Variants in VPS13B observed in about 807,000 individuals in gnomAD.
The protein encoded by VPS13B is vacuolar protein sorting 13 homolog B, also known as intermembrane lipid transfer protein VPS13B.
VPS13B carries 285 observed loss-of-function variants against 426.4 expected under a neutral mutation model. The ratio of observed to expected loss-of-function variants is 0.67; its 90% CI spans 0.61 to 0.74. The LOEUF (loss-of-function observed/expected upper bound fraction) is 0.74. Ranked by LOEUF, VPS13B falls within the 30% of genes least tolerant of loss-of-function variation. VPS13B has a pLI of 0.00. For missense variants in VPS13B, 4,537 were observed against 4,782.6 expected, an observed-to-expected ratio of 0.95 and a Z score of 1.51; for synonymous variants, 1,676 against 1,676.4, an observed-to-expected ratio of 1.00 and a Z score of 0.01.
At position 99,577,503 on chromosome 8, in the gene VPS13B, G is replaced by A. The variant is rs764162546; in HGVS notation, c.5090G>A (p.Cys1697Tyr). 1.9e-6 allele frequency: 3 copies of A among 1,613,780 alleles called. No homozygotes were observed. The South Asian group carries it at 3.3e-5, about 18-fold the overall frequency. Residue 1697 changes from cysteine to tyrosine, a missense_variant, in exon 33 of 62, where the codon TGT (cysteine) becomes TAT (tyrosine). This residue lies in a region of VPS13B where 4,311 missense variants were observed against 4,474.3 expected (regional missense o/e 0.96). Transcript: ENST00000357162. ...TTTTTGCTTCAGGAGATTTTAGTGTGTGGCCATTCCTTAGAAGTGAATATA... is the reference window on the plus strand; with the variant it reads ...TTTTTGCTTCAGGAGATTTTAGTGTATGGCCATTCCTTAGAAGTGAATATA... ...ENLHTEEILV[C>Y]GHSLEVNITT...
At chr8:99,789,960 C>T (rs1029706188) in intron 43 of VPS13B, among the ~76,000 whole-genome samples, 5 of 151,924 alleles carry the variant, frequency 3.3e-5, no homozygotes, top group Non-Finnish European at 7.4e-5. Flanking sequence ...TTTTCAACTT[C>T]TTATTAAGGA....
intron 2 of VPS13B, among the ~76,000 whole-genome samples, chr8:99,029,388 A>AGG (rs1287028257): frequency 6.6e-6 from 1 of 152,000 alleles, no homozygotes; most frequent in Non-Finnish European, 1.5e-5. Flanking sequence ...GGCCGGGCAG[A>AGG]GGCTGCAATC....
At chr8:99,274,948 A>T in intron 18 of VPS13B, 133 bp from the exon 19 acceptor site, 1 of 786,376 alleles carries the variant, frequency 1.3e-6, no homozygotes. Context: ...GACTCAGTAT[A>T]ATTAAATGTA....
At chr8:99,198,160 C>A (rs1814057606) in intron 17 of VPS13B, among the ~76,000 whole-genome samples, 1 of 152,170 alleles carries the variant, frequency 6.6e-6, no homozygotes, top group African/African-American at 2.4e-5. Flanking sequence ...ATTTACTATT[C>A]AAAATCTTAC....
At chr8:99,363,497 T>C (rs554403668) in intron 19 of VPS13B, among the ~76,000 whole-genome samples, 10 of 152,340 alleles carry the variant, frequency 6.6e-5, no homozygotes, top group African/African-American at 2.4e-4. Context: ...TTTTTGGTTT[T>C]TCTGTGAAGA....
At chr8:99,144,531 A>T (rs907736042) in intron 13 of VPS13B, among the ~76,000 whole-genome samples, 2 of 150,816 alleles carry the variant, frequency 1.3e-5, no homozygotes, top group African/African-American at 4.9e-5. Flanking sequence ...TGAAATTTCT[A>T]TTACTTTACT....
intron 51 of VPS13B, 31 bp from the exon 52 acceptor site, chr8:99,832,338 T>A (rs1429506864): frequency 1.4e-6 from 2 of 1,450,364 alleles, no homozygotes; most frequent in Admixed American, 2.4e-5. Context: ...ATGTGCTCTC[T>A]GCATTTTTTT....
At chr8:99,324,239 C>G (rs560813907) in intron 19 of VPS13B, among the ~76,000 whole-genome samples, 1 of 152,302 alleles carries the variant, frequency 6.6e-6, no homozygotes, top group South Asian at 2.1e-4. Flanking sequence ...TGATAATTTT[C>G]ACTTTCTCAA....
intron 17 of VPS13B, among the ~76,000 whole-genome samples, chr8:99,246,082 C>T (rs965800637): frequency 6.6e-6 from 1 of 152,192 alleles, no homozygotes; most frequent in African/African-American, 2.4e-5. Flanking sequence ...TTTTGGTCTC[C>T]AAACTTGCCC....
chr8:99,493,956 T>A (rs1426164787), intron 25 of VPS13B, among the ~76,000 whole-genome samples: 1 of 152,028 alleles, frequency 6.6e-6, no homozygotes, highest in Non-Finnish European at 1.5e-5. Flanking sequence ...GAAATTAAAC[T>A]TCATACTATG....
At position 99,821,373 on chromosome 8, in the gene VPS13B, T is replaced by G. The variant is rs1364533457; in HGVS notation, c.9074T>G (p.Leu3025Arg). The G allele has an allele frequency of 6.2e-7, 1 of 1,613,902 alleles. No individual in the cohort carries two copies. The highest frequency in any genetic ancestry group is 8.5e-7 in the Non-Finnish European group (1 of 1,179,856). Residue 3025 changes from leucine to arginine, a missense_variant, in exon 50 of 62, where the codon CTG becomes CGG. Around this residue, in one of 2 missense-constraint regions of VPS13B, gnomAD observed 4,311 missense variants for 4,474.3 expected, o/e 0.96. Transcript: ENST00000357162. ...GTAGCAATTAAACTGGTCCATAACCTGACATCTCCAAAGTGGAAAGATGGA... is the reference window on the plus strand; with the variant it reads ...GTAGCAATTAAACTGGTCCATAACCGGACATCTCCAAAGTGGAAAGATGGA... ...KSVAIKLVHN[L>R]TSPKWKDGGN... is the part of the protein sequence containing the mutation.
chr8:99,860,962 T>G (rs1816802507), intron 57 of VPS13B, among the ~76,000 whole-genome samples: 1 of 152,250 alleles, frequency 6.6e-6, no homozygotes, highest in Non-Finnish European at 1.5e-5. Context: ...GAATGGCAAA[T>G]GATAAGGTTT....
At chr8:99,392,080 C>T (rs772707543) in intron 21 of VPS13B, among the ~76,000 whole-genome samples, 24 of 152,150 alleles carry the variant, frequency 1.6e-4, no homozygotes, top group Non-Finnish European at 3.1e-4. Context: ...TGAGACTGTT[C>T]GCTATGCAAA....
chr8:99,636,990 TAA>T (rs1268051612), intron 33 of VPS13B, among the ~76,000 whole-genome samples: 1 of 151,940 alleles, frequency 6.6e-6, no homozygotes, highest in Non-Finnish European at 1.5e-5. Flanking sequence ...ATAAGTTAGG[TAA>T]AGAGTGGGAG....
chr8:99,678,218 C>G (rs1831019978), intron 35 of VPS13B, among the ~76,000 whole-genome samples: 1 of 152,132 alleles, frequency 6.6e-6, no homozygotes, highest in South Asian at 2.1e-4. Flanking sequence ...GTCATGTCCT[C>G]TCACAATTTA....
chr8:99,412,424 T>C (rs1381828880), intron 21 of VPS13B, among the ~76,000 whole-genome samples: 4 of 152,244 alleles, frequency 2.6e-5, no homozygotes, highest in Admixed American at 6.5e-5. Flanking sequence ...TGATTTTGTA[T>C]CCTGAGACTT....
chr8:99,429,230 T>A (rs1816942024), intron 21 of VPS13B, among the ~76,000 whole-genome samples: 1 of 150,574 alleles, frequency 6.6e-6, no homozygotes, highest in South Asian at 2.1e-4. Flanking sequence ...TATATACATA[T>A]GTAACAAACC....
chr8:99,522,099 G>A (rs1369225425), intron 30 of VPS13B, among the ~76,000 whole-genome samples: 2 of 152,102 alleles, frequency 1.3e-5, no homozygotes, highest in African/African-American at 4.8e-5. Context: ...ATAACCAAAA[G>A]AATACTGTAG....
chr8:99,401,729 G>A (rs1020855143), intron 21 of VPS13B, among the ~76,000 whole-genome samples: 13 of 152,296 alleles, frequency 8.5e-5, no homozygotes, highest in Non-Finnish European at 1.8e-4. Context: ...AACTGGGTGT[G>A]GTGACGCGTG....
Sources: allele counts gnomAD v4.1 joint callset (sites outside exome capture counted in the v4.1 genomes callset), GRCh38; gene constraint gnomAD v4.1.1; regional missense constraint gnomAD v4.1.1; transcripts MANE v1.5; gene names NCBI Gene and HGNC (gene_info 2026-07-23, HGNC 2026-07-21).